Variants in SMAD4 observed in about 807,000 individuals in gnomAD.
The protein encoded by SMAD4 is MAD homolog 4.
A neutral mutation model predicts 63.2 loss-of-function variants in SMAD4; 7 were observed. The observed-to-expected ratio is 0.11, with a 90% CI of 0.06 to 0.21. SMAD4 has a LOEUF of 0.21. Ranked by LOEUF, SMAD4 falls within the 10% of genes least tolerant of loss-of-function variation. The pLI, the probability that SMAD4 is intolerant of heterozygous loss-of-function variation, is 1.00. For missense variants in SMAD4, 312 were observed against 693.8 expected (o/e 0.45, Z 6.18); for synonymous variants, 215 against 235.4 (o/e 0.91, Z 0.79).
intron 10 of SMAD4, among the ~76,000 whole-genome samples, chr18:51,073,377 A>ACTATG (rs1910371879): frequency 1.2e-5 from 1 of 85,572 alleles, no homozygotes; most frequent in African/African-American, 4.3e-5. Context: ...ATATATATAT[A>ACTATG]TATATATATA....
intron 10 of SMAD4, 54 bp downstream of exon 10, chr18:51,067,241 A>C: frequency 1.0e-6 from 1 of 994,712 alleles, no homozygotes; most frequent in Non-Finnish European, 1.6e-6. Context: ...TTTGTTGTCA[A>C]AAGAATTGAA....
chr18:51,049,346 A>G (rs536937954), intron 4 of SMAD4, 22 bp downstream of exon 4: 13 of 1,579,340 alleles, frequency 8.2e-6, no homozygotes, highest in East Asian at 6.7e-5. Flanking sequence ...GTTTCTTACT[A>G]CTTTCTCTTT....
rs1288996747 is a variant in SMAD4 at position 51,080,900 on chromosome 18, T to C, written c.*2433T>C. 5.4e-6 allele frequency: 1 copy of C among 186,256 alleles called. No homozygotes were observed. The highest frequency in any genetic ancestry group is 1.1e-5 in the Non-Finnish European group (1 of 88,196). The allele number at this position is 186,256 out of a possible 1,614,324, so 11.5% of individuals were successfully genotyped here. A position where few individuals can be genotyped will look rare whatever the true frequency, so the allele number is the denominator to read the frequency against. ...CATGTTTAATCATCTGGGGAAAGTA[T>C]GTGAAAAATATTTGTTAAGAAGTAT... On this transcript the variant is annotated 3_prime_UTR_variant, in exon 12 of 12. Transcript: ENST00000342988.
At chr18:51,039,501 C>T (rs1909309898) in intron 1 of SMAD4, among the ~76,000 whole-genome samples, 1 of 131,128 alleles carries the variant, frequency 7.6e-6, no homozygotes, top group African/African-American at 2.8e-5. Flanking sequence ...CCCCCCACCC[C>T]CCCACCCCCC....
intron 10 of SMAD4, among the ~76,000 whole-genome samples, chr18:51,071,427 C>T (rs1599200174): frequency 1.3e-5 from 2 of 152,248 alleles, no homozygotes; most frequent in East Asian, 1.9e-4. Context: ...CTGCTTCTCT[C>T]ATGACATAGT....
rs138909220 is a variant in SMAD4 at position 51,080,408 on chromosome 18, G to A, written c.*1941G>A. On this transcript the variant is annotated 3_prime_UTR_variant, in exon 12 of 12. Transcript: ENST00000342988. The stretch of plus-strand genomic sequence containing the variant: ...AGTTTTATTGGCAGTTTTATAAAAA[G>A]ACATCTTCTCTAGAAATTGCTAACT... The A allele has an allele frequency of 8.6e-6, 2 of 231,302 alleles. No individual in the cohort carries two copies. Among genetic ancestry groups the A allele is most frequent in the Non-Finnish European group, 1.7e-5 (2 of 116,944 alleles). 14.3% of individuals were successfully genotyped at this position (231,302 alleles called of 1,614,324 possible). A position where few individuals can be genotyped will look rare whatever the true frequency, so the allele number is the denominator to read the frequency against.
At position 51,058,128 on chromosome 18, in the gene SMAD4, A is replaced by T. The variant is rs587780793; in HGVS notation, c.671A>T (p.Gln224Leu). ...TAATGTCTTCTTGTTCCTCTAGGTC[A>T]GCCTGCCAGTATACTGGGGGGCAGC... ...FPNIPVASTSQPASILGGSHS... is the reference protein window; with the variant it reads ...FPNIPVASTSLPASILGGSHS... The change falls in exon 6 of 12, where the codon CAG becomes CTG. Residue 224 changes from glutamine to leucine, a missense_variant. Gln to Leu is a moderately radical substitution (Grantham distance 113). Coordinates refer to ENST00000342988, the MANE Select transcript of SMAD4 (RefSeq NM_005359.6). 5 of 1,614,152 alleles carry T rather than the reference A, an allele frequency of 3.1e-6. No homozygotes were observed. In the Admixed American group the frequency reaches 5.0e-5, roughly 16 times the overall value.
At chr18:51,037,986 G>A (rs1909255193) in intron 1 of SMAD4, among the ~76,000 whole-genome samples, 1 of 152,076 alleles carries the variant, frequency 6.6e-6, no homozygotes, top group South Asian at 2.1e-4. Context: ...ATTAAGGAAT[G>A]TGATTAAAAA....
rs1280706054 is a variant in SMAD4 at position 51,047,108 on chromosome 18, A to G, written c.62A>G (p.His21Arg). The G allele has an allele frequency of 1.2e-6, 2 of 1,613,936 alleles. No homozygotes were observed. The highest frequency in any genetic ancestry group is 1.7e-4 in the Middle Eastern group (1 of 6,060). ...TSNDACLSIV[H>R]SLMCHRQGGE... Reference sequence around the variant, plus strand: ...AATGATGCCTGTCTGAGCATTGTGCATAGTTTGATGTGCCATAGACAAGGT... The same window carrying G: ...AATGATGCCTGTCTGAGCATTGTGCGTAGTTTGATGTGCCATAGACAAGGT... Residue 21 changes from histidine (H) to arginine (R), a missense_variant, in exon 2 of 12, where the codon CAT becomes CGT. Physicochemically the swap from His to Arg is conservative, Grantham distance 29 (BLOSUM62 0). Coordinates refer to ENST00000342988, the MANE Select transcript of SMAD4 (RefSeq NM_005359.6).
chr18:51,048,927 T>G (rs1909626867), intron 3 of SMAD4, 67 bp downstream of exon 3: 1 of 1,411,988 alleles, frequency 7.1e-7, no homozygotes, highest in Non-Finnish European at 1.0e-6. Context: ...GTTTCAATTT[T>G]TGTAAGTTAA....
At chr18:51,050,624 A>C (rs1236981904) in intron 4 of SMAD4, among the ~76,000 whole-genome samples, 4 of 149,594 alleles carry the variant, frequency 2.7e-5, no homozygotes, top group African/African-American at 4.9e-5. Context: ...GTGGCACTGC[A>C]CTCCAGCCTG....
At chr18:51,062,848 C>CTTTTTTTT (rs1366376175) in intron 8 of SMAD4, among the ~76,000 whole-genome samples, 1 of 83,598 alleles carries the variant, frequency 1.2e-5, no homozygotes, top group Non-Finnish European at 2.5e-5. Flanking sequence ...TCTGGCTTTA[C>CTTTTTTTT]TTGTTTTTTT....
chr18:51,062,316 C>T (rs1910034531), intron 8 of SMAD4, among the ~76,000 whole-genome samples: 1 of 152,016 alleles, frequency 6.6e-6, no homozygotes, highest in African/African-American at 2.4e-5. Flanking sequence ...AGTCTAACAT[C>T]ACTAAAACCA....
chr18:51,066,708 A>G (rs989066783), intron 9 of SMAD4: 4 of 298,032 alleles, frequency 1.3e-5, no homozygotes, highest in Admixed American at 4.7e-5. Context: ...GTGGCTATCA[A>G]TTTGGACAGT....
intron 1 of SMAD4, among the ~76,000 whole-genome samples, chr18:51,040,518 CAT>C (rs1336105648): frequency 6.6e-6 from 1 of 152,070 alleles, no homozygotes; most frequent in Non-Finnish European, 1.5e-5. Flanking sequence ...CTAGAAAATA[CAT>C]GTTTGACACA....
chr18:51,066,221 G>T (rs775266157), intron 9 of SMAD4, among the ~76,000 whole-genome samples: 1 of 151,820 alleles, frequency 6.6e-6, no homozygotes, highest in Non-Finnish European at 1.5e-5. Context: ...GTGTCCACCT[G>T]TAATCCCAGC....
intron 4 of SMAD4, among the ~76,000 whole-genome samples, chr18:51,051,679 T>C (rs924881264): frequency 5.3e-5 from 8 of 152,198 alleles, no homozygotes; most frequent in African/African-American, 1.9e-4. Flanking sequence ...AAGAGAGTGA[T>C]AATACCATGA....
chr18:51,075,369 G>A (rs181027632), intron 10 of SMAD4, among the ~76,000 whole-genome samples: 1 of 152,084 alleles, frequency 6.6e-6, no homozygotes, highest in East Asian at 1.9e-4. Flanking sequence ...TTATTTTCAA[G>A]ATTATTTATG....
chr18:51,051,136 A>G (rs1035641028), intron 4 of SMAD4: 1 of 204,694 alleles, frequency 4.9e-6, no homozygotes, highest in Admixed American at 5.9e-5. Context: ...TGCAATGATA[A>G]GTGTGTCTGA....
Sources: gnomAD v4.1 joint callset for allele counts (sites outside exome capture counted in the v4.1 genomes callset) on GRCh38, gnomAD v4.1.1 for gene constraint, MANE v1.5 for transcripts, NCBI Gene and HGNC (gene_info 2026-07-23, HGNC 2026-07-21) for gene names.